COL11A1: variants seen among roughly 807,000 people sequenced by gnomAD.
The protein encoded by COL11A1 is collagen type XI alpha 1 chain.
COL11A1 carries 74 observed loss-of-function variants against 265.2 expected under a neutral mutation model. That is an observed-to-expected ratio of 0.28 (90% CI 0.23 to 0.34). The LOEUF (loss-of-function observed/expected upper bound fraction) is 0.34, where lower values mean the gene tolerates loss of function less well. COL11A1 is among the 10% of genes least tolerant of loss of function. The probability of loss-of-function intolerance (pLI) is 1.00; values close to 1 mark genes in which losing one functional copy is unlikely to be tolerated. For missense variants in COL11A1, 2,165 were observed against 2,263.6 expected, an observed-to-expected ratio of 0.96 and a Z score of 0.88; for synonymous variants, 816 against 727.6, an observed-to-expected ratio of 1.12 and a Z score of -1.96.
intron 46 of COL11A1, among the ~76,000 whole-genome samples, chr1:102,928,267 CA>C: frequency 6.6e-6 from 1 of 150,810 alleles, no homozygotes; most frequent in South Asian, 2.1e-4. Flanking sequence ...CACCCCACCA[CA>C]GTCCCCAGAG....
chr1:103,008,626 A>G, intron 14 of COL11A1, 110 bp from the exon 15 acceptor site: 1 of 956,826 alleles, frequency 1.0e-6, no homozygotes, highest in Non-Finnish European at 1.7e-6. Flanking sequence ...ATATTTAATC[A>G]TATTAGCATT....
At chr1:103,088,591 AC>A (rs1246300012) in intron 1 of COL11A1, among the ~76,000 whole-genome samples, 3 of 152,208 alleles carry the variant, frequency 2.0e-5, no homozygotes, top group Admixed American at 6.5e-5. Flanking sequence ...ACATAGTCAC[AC>A]CCGTTCATTT....
chr1:102,917,504 C>A (rs1326117994), intron 49 of COL11A1, among the ~76,000 whole-genome samples: 1 of 151,804 alleles, frequency 6.6e-6, no homozygotes, highest in Non-Finnish European at 1.5e-5. Context: ...TTTAATTAAA[C>A]TAAAAAGCTT....
At chr1:103,067,092 C>T (rs2102236747) in intron 4 of COL11A1, among the ~76,000 whole-genome samples, 1 of 151,972 alleles carries the variant, frequency 6.6e-6, no homozygotes, top group South Asian at 2.1e-4. Context: ...TTTTAACACT[C>T]CTCAACAACT....
intron 7 of COL11A1, among the ~76,000 whole-genome samples, chr1:103,024,520 T>TG (rs1344625023): frequency 1.3e-5 from 2 of 152,152 alleles, no homozygotes; most frequent in Non-Finnish European, 2.9e-5. Flanking sequence ...CGTAATTTTT[T>TG]TTGTATTCTT....
intron 4 of COL11A1, among the ~76,000 whole-genome samples, chr1:103,049,612 A>G (rs933096931): frequency 1.3e-5 from 2 of 152,164 alleles, no homozygotes. Flanking sequence ...CAAAGTTAAT[A>G]TCGTTATGTG....
intron 54 of COL11A1, among the ~76,000 whole-genome samples, chr1:102,910,706 T>C (rs565492739): frequency 6.6e-6 from 1 of 152,208 alleles, no homozygotes; most frequent in Admixed American, 6.5e-5. Flanking sequence ...ATTTATCTTA[T>C]GTTCAACCCA....
chr1:102,944,758 T>G (rs915125397), intron 42 of COL11A1, among the ~76,000 whole-genome samples: 5 of 152,186 alleles, frequency 3.3e-5, no homozygotes, highest in Admixed American at 2.6e-4. Flanking sequence ...CACAGAAATA[T>G]TGACTTATCT....
chr1:103,002,909 A>G, intron 21 of COL11A1, 118 bp from the exon 22 acceptor site: 1 of 1,010,318 alleles, frequency 9.9e-7, no homozygotes, highest in Non-Finnish European at 1.5e-6. Context: ...AAATCATTTT[A>G]GGATTTAATG....
At position 103,046,786 on chromosome 1, in the gene COL11A1, G is replaced by A. The variant is rs530125266; in HGVS notation, c.652-15542C>T. Among the ~76,000 whole-genome samples the A allele has an allele frequency of 6.0e-5, 9 of 151,100 alleles. No homozygotes were observed. The East Asian group carries it at 1.7e-3, about 29-fold the overall frequency. ...CCATCTTGAATTGATTTTTGTATAA[G>A]GTGTAAGGAAGGGATCCAGTTTCAG... is the stretch of plus-strand genomic sequence containing the variant. On this transcript the variant is annotated intron_variant, in intron 4 of 66. Coordinates refer to ENST00000370096, the MANE Select transcript of COL11A1 (RefSeq NM_001854.4).
chr1:102,907,789 A>T (rs1262263825), intron 54 of COL11A1, among the ~76,000 whole-genome samples: 4 of 152,084 alleles, frequency 2.6e-5, no homozygotes, highest in African/African-American at 9.7e-5. Flanking sequence ...TTATTAGCAT[A>T]CAAAATTTTA....
At chr1:102,887,954 G>C (rs1363622409) in intron 62 of COL11A1, among the ~76,000 whole-genome samples, 2 of 152,058 alleles carry the variant, frequency 1.3e-5, no homozygotes, top group Non-Finnish European at 2.9e-5. Flanking sequence ...CTTGTTCTAG[G>C]ACTTCTAGCC....
At chr1:102,881,787 G>C (rs1650273960) in intron 64 of COL11A1, 22 bp from the exon 65 acceptor site, 1 of 1,592,914 alleles carries the variant, frequency 6.3e-7, no homozygotes, top group African/African-American at 1.3e-5. Context: ...GAACAGAAAA[G>C]TTAGTGAGTA....
chr1:103,008,432 A>T, intron 15 of COL11A1, 31 bp downstream of exon 15: 1 of 1,593,114 alleles, frequency 6.3e-7, no homozygotes, highest in Non-Finnish European at 8.6e-7. Flanking sequence ...GAAGCCAGTC[A>T]AGAATAAAAA....
intron 43 of COL11A1, 140 bp from the exon 44 acceptor site, chr1:102,939,228 G>T: frequency 3.9e-6 from 3 of 764,178 alleles, no homozygotes; most frequent in South Asian, 1.5e-5. Context: ...GAAAATCTTG[G>T]GTTCCCACTG....
intron 54 of COL11A1, among the ~76,000 whole-genome samples, chr1:102,911,128 T>G (rs1305866514): frequency 6.6e-6 from 1 of 152,094 alleles, no homozygotes; most frequent in Non-Finnish European, 1.5e-5. Context: ...ACTGAGACCA[T>G]GCTTTGGGGT....
intron 5 of COL11A1, among the ~76,000 whole-genome samples, chr1:103,028,338 C>T (rs988433097): frequency 6.6e-6 from 1 of 152,098 alleles, no homozygotes; most frequent in African/African-American, 2.4e-5. Context: ...CCAGCCGGCA[C>T]ATCTTTCTTT....
At chr1:102,954,924 T>C (rs1402067973) in intron 41 of COL11A1, among the ~76,000 whole-genome samples, 1 of 152,126 alleles carries the variant, frequency 6.6e-6, no homozygotes, top group Non-Finnish European at 1.5e-5. Flanking sequence ...GACATACATT[T>C]TAGATTACGT....
chr1:102,958,203 T>G (rs952488360), intron 41 of COL11A1, among the ~76,000 whole-genome samples: 15 of 152,254 alleles, frequency 9.9e-5, no homozygotes, highest in African/African-American at 2.9e-4. Context: ...ACTCAGAATT[T>G]TATCATTTCT....
Sources: allele counts gnomAD v4.1 joint callset (sites outside exome capture counted in the v4.1 genomes callset), GRCh38; gene constraint gnomAD v4.1.1; transcripts MANE v1.5; gene names NCBI Gene and HGNC (gene_info 2026-07-23, HGNC 2026-07-21).